Variants in PHC3 observed in about 807,000 individuals in gnomAD.
PHC3 encodes the protein polyhomeotic homolog 3.
A neutral mutation model predicts 107.4 loss-of-function variants in PHC3; 13 were observed. The observed-to-expected ratio is 0.12, with a 90% CI of 0.08 to 0.19. The LOEUF (loss-of-function observed/expected upper bound fraction) is 0.19, where lower values mean the gene tolerates loss of function less well. Among genes scored for constraint, PHC3 ranks in the 10% least tolerant of loss-of-function variants. The pLI is 1.00. For missense variants in PHC3, 992 were observed against 1,210.9 expected (o/e 0.82, Z 2.68); for synonymous variants, 456 against 427.4 (o/e 1.07, Z -0.83).
chr3:170,136,732 CATTATGACA>C, intron 6 of PHC3, 67 bp from the exon 7 acceptor site: 1 of 1,497,036 alleles, frequency 6.7e-7, no homozygotes, highest in Non-Finnish European at 9.1e-7. Flanking sequence ...TCATCATTAC[CATTATGACA>C]ATACTGACAA....
chr3:170,136,986 A>T (rs1379264808), intron 6 of PHC3, among the ~76,000 whole-genome samples: 2 of 152,124 alleles, frequency 1.3e-5, no homozygotes, highest in African/African-American at 4.8e-5. Context: ...TAAAGAACTA[A>T]ATAAAAGCAG....
intron 12 of PHC3, among the ~76,000 whole-genome samples, chr3:170,104,909 T>C (rs1366265700): frequency 1.3e-5 from 2 of 152,180 alleles, no homozygotes; most frequent in African/African-American, 2.4e-5. Flanking sequence ...AAGAAAAGAA[T>C]AGAAAAGAGG....
chr3:170,128,459 G>A (rs1721706955), intron 8 of PHC3: 9 of 1,191,082 alleles, frequency 7.6e-6, no homozygotes, highest in Non-Finnish European at 9.0e-6. Flanking sequence ...ATTAACGAGG[G>A]ACTTTAATTA....
intron 9 of PHC3, among the ~76,000 whole-genome samples, chr3:170,119,923 T>A (rs1292705366): frequency 2.6e-5 from 4 of 152,160 alleles, no homozygotes; most frequent in Non-Finnish European, 5.9e-5. Flanking sequence ...GATGCAAGTC[T>A]ACATTGTACT....
chr3:170,123,270 A>G (rs1314802288), intron 8 of PHC3, among the ~76,000 whole-genome samples: 1 of 152,014 alleles, frequency 6.6e-6, no homozygotes, highest in Non-Finnish European at 1.5e-5. Context: ...ATACGCAATT[A>G]TATCTCTCCT....
chr3:170,097,013 A>AT lies in PHC3; in HGVS notation c.*216_*217insA. The stretch of plus-strand genomic sequence containing the variant: ...TAACAAGTCTTTCAATGTTTCATGT[A>AT]ACCTGTAAAATTAATTTTACCAATG... On this transcript the variant is annotated 3_prime_UTR_variant, in exon 15 of 15. Coordinates refer to ENST00000495893, the MANE Select transcript of PHC3 (RefSeq NM_024947.4). The surrounding 1 kb of genome is among the most constrained non-coding windows in gnomAD (Gnocchi z 4.1). 2.5e-6 allele frequency: 1 copy of AT among 393,774 alleles called. No homozygotes were observed. The allele number at this position is 393,774 out of a possible 1,614,324, so 24.4% of individuals were successfully genotyped here.
intron 7 of PHC3, among the ~76,000 whole-genome samples, chr3:170,135,512 T>TACACACAC (rs200069803): frequency 6.6e-6 from 1 of 151,564 alleles, no homozygotes; most frequent in African/African-American, 2.4e-5. Context: ...CACATACACA[T>TACACACAC]ACACACACAC....
intron 14 of PHC3, among the ~76,000 whole-genome samples, chr3:170,101,009 C>T (rs1715379513): frequency 6.6e-6 from 1 of 152,102 alleles, no homozygotes. Context: ...ACATAGACTC[C>T]AAAGTTAATT....
chr3:170,101,618 G>A (rs1049799624), intron 14 of PHC3, among the ~76,000 whole-genome samples: 2 of 152,044 alleles, frequency 1.3e-5, no homozygotes, highest in Non-Finnish European at 2.9e-5. Context: ...ATATGCGTAA[G>A]GTCAAAGTGA....
At chr3:170,119,830 T>TAAA (rs577407226) in intron 9 of PHC3, among the ~76,000 whole-genome samples, 4,184 of 144,466 alleles carry the variant, frequency 0.029, 166 homozygotes, top group African/African-American at 0.094. Flanking sequence ...TGAGTTACTG[T>TAAA]AAAAAAAAAA....
chr3:170,129,167 G>T lies in PHC3; in HGVS notation c.1305C>A (p.His435Gln). The T allele has an allele frequency of 6.2e-7, 1 of 1,613,776 alleles. No individual in the cohort carries two copies. Among genetic ancestry groups the T allele is most frequent in the Non-Finnish European group, 8.5e-7 (1 of 1,179,680 alleles). The change falls in exon 8 of 15, where the codon CAC (histidine) becomes CAA (glutamine). Residue 435 changes from histidine to glutamine, a missense_variant. His to Gln is a conservative substitution (Grantham distance 24, BLOSUM62 0). This residue lies in a region of PHC3 where 543 missense variants were observed against 590.8 expected (regional missense o/e 0.92). Transcript: ENST00000495893. ...IIHPQALIQP[H>Q]PLVSSALQPG... ...GCTGGAGAGCTGATGACACAAGAGG[G>T]TGTGGCTGAATAAGTGCTTGTGGAT...
chr3:170,094,475 GTCAAAATCC>G lies in PHC3; in HGVS notation c.*2746_*2754del. On this transcript the variant is annotated 3_prime_UTR_variant, in exon 15 of 15. Coordinates refer to ENST00000495893, the MANE Select transcript of PHC3 (RefSeq NM_024947.4). ...TTCTGTTTGTCATTATCTCTCCCCAGTCAAAATCCTAAAACTATTAGTAGTAGTATGAAA... is the reference window on the plus strand; with the variant it reads ...TTCTGTTTGTCATTATCTCTCCCCAGTAAAACTATTAGTAGTAGTATGAAA... 1 of 152,168 alleles carries G rather than the reference GTCAAAATCC, an allele frequency of 6.6e-6. No homozygotes were observed. Among genetic ancestry groups the G allele is most frequent in the South Asian group, 2.1e-4 (1 of 4,816 alleles). 9.4% of individuals were successfully genotyped at this position (152,168 alleles called of 1,614,324 possible). A position where few individuals can be genotyped will look rare whatever the true frequency, so the allele number is the denominator to read the frequency against.
chr3:170,164,848 G>C (rs1728475750), intron 4 of PHC3, among the ~76,000 whole-genome samples: 2 of 152,138 alleles, frequency 1.3e-5, no homozygotes. Context: ...AAAACTTTTA[G>C]ACAATAATTA....
chr3:170,102,871 T>C lies in PHC3; in HGVS notation c.2532A>G (p.Gln844=), dbSNP rs61760982. 25 of 1,613,818 alleles carry C rather than the reference T, an allele frequency of 1.5e-5. 1 individual carries two copies. In the East Asian group the frequency reaches 3.6e-4, roughly 23 times the overall value. Residue 844 remains glutamine, a synonymous_variant, in exon 13 of 15, where the codon CAA becomes CAG. Coordinates refer to ENST00000495893, the MANE Select transcript of PHC3 (RefSeq NM_024947.4). ...LSRWNRKPDN[Q]SLGHRGRRPS... is the part of the protein sequence containing the mutation. ...GACGACGGCCACGATGCCCAAGACT[T>C]TGATTATCAGGCTTACGATTCCAAC...
rs138683225 is a variant in PHC3, at chr3:170,171,276, A to C, written c.414+97T>G. On this transcript the variant is annotated intron_variant, in intron 4 of 14. Coordinates refer to ENST00000495893, the MANE Select transcript of PHC3 (RefSeq NM_024947.4). The stretch of plus-strand genomic sequence containing the variant: ...ATTGTTACTTTAAACAGCATGCAAC[A>C]AATTATAATAACAGCTTCATAAATA... 1.9e-3 allele frequency: 1,666 copies of C among 891,574 alleles called. 25 individuals carry two copies. The African/African-American group carries it at 0.025, about 14-fold the overall frequency. 55.2% of individuals were successfully genotyped at this position (891,574 alleles called of 1,614,324 possible).
At chr3:170,165,753 CAAAAAAAAA>C (rs1201987701) in intron 4 of PHC3, among the ~76,000 whole-genome samples, 6 of 41,116 alleles carry the variant, frequency 1.5e-4, no homozygotes, top group African/African-American at 4.5e-4. Flanking sequence ...GACCTTGTCT[CAAAAAAAAA>C]AAAAAAAAAA....
Position 170,135,045 on chromosome 3 carries a change from T to C in PHC3, c.919+1374A>G, listed in dbSNP as rs552789745. Among the ~76,000 whole-genome samples the C allele has an allele frequency of 2.0e-5, 3 of 152,308 alleles. No individual in the cohort carries two copies. In the South Asian group the frequency reaches 6.2e-4, roughly 32 times the overall value. On this transcript the variant is annotated intron_variant, in intron 7 of 14. Transcript: ENST00000495893. ...AAGTGGAATATTTTACACTTACACC[T>C]AAGTATAAAACAAGTCTTTAAAAAG...
intron 14 of PHC3, 101 bp downstream of exon 14, chr3:170,102,378 T>TA: frequency 2.0e-6 from 3 of 1,512,886 alleles, no homozygotes; most frequent in South Asian, 2.6e-5. Context: ...ATATACACAG[T>TA]ACTTCTCTAG....
chr3:170,137,151 T>C (rs1285024962), intron 6 of PHC3, among the ~76,000 whole-genome samples: 1 of 152,206 alleles, frequency 6.6e-6, no homozygotes, highest in Non-Finnish European at 1.5e-5. Context: ...ATTCATCAAA[T>C]CATCTGCCCC....
Sources: gnomAD v4.1 joint callset for allele counts (sites outside exome capture counted in the v4.1 genomes callset) on GRCh38, gnomAD v4.1.1 for gene constraint, gnomAD v4.1.1 regional missense constraint, Gnocchi (gnomAD v3.1) non-coding constraint, MANE v1.5 for transcripts, NCBI Gene and HGNC (gene_info 2026-07-23, HGNC 2026-07-21) for gene names.